The following TMEM63A variants were observed in gnomAD, a reference collection of about 807,000 sequenced individuals.
TMEM63A encodes transmembrane protein 63A, also known as mechanosensitive cation channel TMEM63A.
TMEM63A carries 76 observed loss-of-function variants against 100.6 expected under a neutral mutation model. The ratio of observed to expected loss-of-function variants is 0.76; its 90% CI spans 0.63 to 0.91. The LOEUF (loss-of-function observed/expected upper bound fraction) is 0.91. Ranked by LOEUF, TMEM63A falls within the 40% of genes least tolerant of loss-of-function variation. The probability of loss-of-function intolerance (pLI) is 0.00; values close to 1 mark genes in which losing one functional copy is unlikely to be tolerated. For missense variants in TMEM63A, 876 were observed against 1,008.8 expected, an observed-to-expected ratio of 0.87 and a Z score of 1.78; for synonymous variants, 401 against 401.1, an observed-to-expected ratio of 1.00 and a Z score of 0.00.
At position 225,866,222 on chromosome 1, in the gene TMEM63A, GA is replaced by G. The variant is rs1367993659; in HGVS notation, c.676-256del. On this transcript the variant is annotated intron_variant, in intron 9 of 24. Coordinates refer to ENST00000366835, the MANE Select transcript of TMEM63A (RefSeq NM_014698.3). ...CATGGCAGGAGACTGAGAAAGAGGG[GA>G]AGTGACTCAAATGCGGTCACACAGC... 5.6e-6 allele frequency: 3 copies of G among 540,380 alleles called. No individual in the cohort carries two copies. The African/African-American group carries it at 5.7e-5, about 10-fold the overall frequency. 33.5% of individuals were successfully genotyped at this position (540,380 alleles called of 1,614,324 possible). A position where few individuals can be genotyped will look rare whatever the true frequency, so the allele number is the denominator to read the frequency against.
chr1:225,845,506 C>T, downstream of TMEM63A: 2 of 686,754 alleles, frequency 2.9e-6, no homozygotes, highest in South Asian at 1.8e-5. Context: ...CACTCCCCAA[C>T]CCCCAACTCC....
Position 225,867,818 on chromosome 1 carries a change from A to G in TMEM63A, c.514+70T>C. On this transcript the variant is annotated intron_variant, in intron 7 of 24. Transcript: ENST00000366835. This position sits in a 1 kb window ranked among gnomAD's most constrained non-coding sequence, Gnocchi z 4.6. ...GACTCCTGGGGTTCTGGTCTACCACAGTGAGCCCTTTCCCTAGGACTGCCA... is the reference window on the plus strand; with the variant it reads ...GACTCCTGGGGTTCTGGTCTACCACGGTGAGCCCTTTCCCTAGGACTGCCA... 3.1e-6 allele frequency: 5 copies of G among 1,595,540 alleles called. No individual in the cohort carries two copies. The highest frequency in any genetic ancestry group is 4.3e-6 in the Non-Finnish European group (5 of 1,168,502).
chr1:225,859,117 T>C lies in TMEM63A; in HGVS notation c.1377+79A>G, dbSNP rs1669804164. ...TAGTTCCCCGCACACACCCCACTCC[T>C]GTCCCCACTCCTTCCCCACCCACCA... On this transcript the variant is annotated intron_variant, in intron 15 of 24. Transcript: ENST00000366835. 3 of 1,595,546 alleles carry C rather than the reference T, an allele frequency of 1.9e-6. No individual in the cohort carries two copies. The South Asian group carries it at 3.4e-5, about 18-fold the overall frequency.
rs573524327 is a variant in TMEM63A, at chr1:225,869,962, T to C, written c.371+1114A>G. Among the ~76,000 whole-genome samples the C allele has an allele frequency of 5.3e-5, 8 of 151,746 alleles. No homozygotes were observed. In the East Asian group the frequency reaches 1.4e-3, roughly 26 times the overall value. Reference sequence around the variant, plus strand: ...AGGCGTCAGCCACCGCAGCCGGCCATATTTCAACTCCTCTGAAATGAGGTG... The same window carrying C: ...AGGCGTCAGCCACCGCAGCCGGCCACATTTCAACTCCTCTGAAATGAGGTG... On this transcript the variant is annotated intron_variant, in intron 6 of 24. Coordinates refer to ENST00000366835, the MANE Select transcript of TMEM63A (RefSeq NM_014698.3).
downstream of TMEM63A, among the ~76,000 whole-genome samples, chr1:225,844,077 G>C (rs568637501): frequency 1.4e-4 from 22 of 152,236 alleles, no homozygotes; most frequent in Admixed American, 1.0e-3. Context: ...GGAGATAATA[G>C]TACCTATGTC....
At chr1:225,874,792 A>T (rs567967932) in intron 3 of TMEM63A, among the ~76,000 whole-genome samples, 56 of 151,986 alleles carry the variant, frequency 3.7e-4, no homozygotes, top group African/African-American at 1.3e-3. Context: ...TTTACAGAAA[A>T]TTTTTTTCTT....
intron 3 of TMEM63A, among the ~76,000 whole-genome samples, chr1:225,875,484 C>G (rs1273529577): frequency 6.6e-6 from 1 of 152,186 alleles, no homozygotes; most frequent in Non-Finnish European, 1.5e-5. Flanking sequence ...TGAAGGTAGG[C>G]TTTGTTTTCC....
intron 13 of TMEM63A, 85 bp from the exon 14 acceptor site, chr1:225,861,082 G>A: frequency 6.8e-7 from 1 of 1,461,034 alleles, no homozygotes; most frequent in Non-Finnish European, 9.2e-7. Flanking sequence ...AGTAGGAGTG[G>A]GAGGCAGTGG....
chr1:225,844,401 A>G (rs1249121437), downstream of TMEM63A: 8 of 1,597,662 alleles, frequency 5.0e-6, no homozygotes, highest in Admixed American at 1.2e-4. Context: ...GGGAAGCCGC[A>G]TGGGCAGGGC....
chr1:225,871,909 GC>G, intron 5 of TMEM63A, 77 bp downstream of exon 5: 1 of 1,133,498 alleles, frequency 8.8e-7, no homozygotes, highest in Admixed American at 1.8e-5. Flanking sequence ...CTCAAGATCC[GC>G]CCTGCTCCCT....
Position 225,845,703 on chromosome 1 carries a change from A to C in TMEM63A, c.*1236T>G. The C allele has an allele frequency of 2.6e-6, 1 of 386,680 alleles. No individual in the cohort carries two copies. Among genetic ancestry groups the C allele is most frequent in the East Asian group, 5.9e-5 (1 of 16,974 alleles). 24.0% of individuals were successfully genotyped at this position (386,680 alleles called of 1,614,324 possible). On this transcript the variant is annotated 3_prime_UTR_variant, in exon 25 of 25. Transcript: ENST00000366835. The stretch of plus-strand genomic sequence containing the variant: ...AGGCCACTGGCCAGGGCTATGCTGC[A>C]CCAGACCAATGGCACCGCCCCCACC...
intron 6 of TMEM63A, among the ~76,000 whole-genome samples, chr1:225,870,060 T>C (rs1342009125): frequency 1.3e-5 from 2 of 152,124 alleles, no homozygotes; most frequent in East Asian, 1.9e-4. Context: ...TAAAATAACA[T>C]GCACCTGGGC....
In TMEM63A at chr1:225,865,944, T is replaced by G. The variant is rs1375926170; in HGVS notation, c.699A>C (p.Thr233=). 1 of 1,613,976 alleles carries G rather than the reference T, an allele frequency of 6.2e-7. No homozygotes were observed. The highest frequency in any genetic ancestry group is 8.5e-7 in the Non-Finnish European group (1 of 1,179,922). ...ENLVRRTLFI[T]GLPRDARKET... Reference sequence around the variant, plus strand: ...CCTTCCTGGCATCTCTGGGGAGTCCTGTGATGAACAGGGTCCGCCTCACCT... The same window carrying G: ...CCTTCCTGGCATCTCTGGGGAGTCCGGTGATGAACAGGGTCCGCCTCACCT... The change falls in exon 10 of 25, where the codon ACA becomes ACC. Residue 233 remains threonine, a synonymous_variant. Transcript: ENST00000366835. This position sits in a 1 kb window ranked among gnomAD's most constrained non-coding sequence, Gnocchi z 4.6.
In TMEM63A at chr1:225,848,912, G is replaced by A. The variant is rs1404154357; in HGVS notation, c.2172C>T (p.Ser724=). The A allele has an allele frequency of 1.3e-6, 2 of 1,592,634 alleles. No homozygotes were observed. The highest frequency in any genetic ancestry group is 2.7e-5 in the African/African-American group (2 of 74,812). The part of the protein sequence containing the change: ...HTCFGCFKHL[S]PLNYKTEEPA... Reference sequence around the variant, plus strand: ...GGGCCTTTACTTTGTAGTTCAGAGGGCTGAGGTGCTTGAAGCATCCAAAGC... The same window carrying A: ...GGGCCTTTACTTTGTAGTTCAGAGGACTGAGGTGCTTGAAGCATCCAAAGC... Residue 724 remains serine, a synonymous_variant, in exon 22 of 25, where the codon AGC becomes AGT. Coordinates refer to ENST00000366835, the MANE Select transcript of TMEM63A (RefSeq NM_014698.3).
Position 225,877,485 on chromosome 1 carries a change from G to T in TMEM63A, c.96C>A (p.Cys32Ter). 1 of 1,614,234 alleles carries T rather than the reference G, an allele frequency of 6.2e-7. No individual in the cohort carries two copies. The highest frequency in any genetic ancestry group is 8.5e-7 in the Non-Finnish European group (1 of 1,180,046). The part of the protein sequence containing the change: ...GLGDRPNDSY[C>*]YNSAKNSTVL... ...CGGTGCTGTTTTTGGCCGAGTTGTA[G>T]CAATAGGAGTCGTTGGGCCGGTCCC... The change falls in exon 3 of 25, where the codon TGC becomes TGA. Residue 32 changes from cysteine (C) to a stop codon, truncating the protein, a stop_gained. Coordinates refer to ENST00000366835, the MANE Select transcript of TMEM63A (RefSeq NM_014698.3). LOFTEE classifies it high-confidence loss of function.
In TMEM63A at chr1:225,867,974, T is replaced by C; in HGVS notation, c.428A>G (p.Gln143Arg). 1.2e-6 allele frequency: 2 copies of C among 1,614,178 alleles called. No individual in the cohort carries two copies. Among genetic ancestry groups the C allele is most frequent in the Non-Finnish European group, 1.7e-6 (2 of 1,180,022 alleles). Reference protein sequence around the residue: ...GEDAIHYLSFQRHIIFLLVVV... With the variant: ...GEDAIHYLSFRRHIIFLLVVV... ...CACCAACAGGAAGATGATGTGCCTC[T>C]GGAAGGACAGGTAGTGGATGGCGTC... The change falls in exon 7 of 25, where the codon CAG (glutamine) becomes CGG (arginine). Residue 143 changes from glutamine to arginine, a missense_variant. This residue lies in a region of TMEM63A where 487 missense variants were observed against 581.9 expected (regional missense o/e 0.84). Coordinates refer to ENST00000366835, the MANE Select transcript of TMEM63A (RefSeq NM_014698.3). This position sits in a 1 kb window ranked among gnomAD's most constrained non-coding sequence, Gnocchi z 4.6.
rs1023140045 is a variant in TMEM63A at position 225,853,734 on chromosome 1, G to C, written c.1692C>G (p.Ala564=). ...GCAGCTCCATGCCATTGCCGATGAAGGCCGAGGCGATGACATAGTTCACAA... is the reference window on the plus strand; with the variant it reads ...GCAGCTCCATGCCATTGCCGATGAACGCCGAGGCGATGACATAGTTCACAA... ...AFFVNYVIAS[A]FIGNGMELLR... Residue 564 remains alanine, a synonymous_variant, in exon 19 of 25, where the codon GCC becomes GCG. Transcript: ENST00000366835. The surrounding 1 kb of genome is among the most constrained non-coding windows in gnomAD (Gnocchi z 4.0). 2.5e-6 allele frequency: 4 copies of C among 1,605,262 alleles called. No individual in the cohort carries two copies. The Admixed American group carries it at 6.8e-5, about 27-fold the overall frequency.
intron 10 of TMEM63A, among the ~76,000 whole-genome samples, chr1:225,863,438 AATGAACAC>A (rs1670043521): frequency 6.6e-6 from 1 of 152,130 alleles, no homozygotes; most frequent in African/African-American, 2.4e-5. Flanking sequence ...CCTGGGGAAA[AATGAACAC>A]ATCACTATCC....
At chr1:225,877,759 C>T (rs1670884644) in intron 2 of TMEM63A, 165 bp from the exon 3 acceptor site, 2 of 606,470 alleles carry the variant, frequency 3.3e-6, no homozygotes, top group Non-Finnish European at 5.7e-6. Context: ...CTCTGCGTGC[C>T]TGGCAGTGTC....
Sources: allele counts gnomAD v4.1 joint callset (sites outside exome capture counted in the v4.1 genomes callset), GRCh38; gene constraint gnomAD v4.1.1; regional missense constraint gnomAD v4.1.1; non-coding constraint Gnocchi (gnomAD v3.1); transcripts MANE v1.5; gene names NCBI Gene and HGNC (gene_info 2026-07-23, HGNC 2026-07-21).